Variants in ZRANB3 observed in about 807,000 individuals in gnomAD.
ZRANB3 encodes the protein DNA annealing helicase and endonuclease ZRANB3.
In ZRANB3, 125 loss-of-function variants were observed where a neutral mutation model predicts 133.8. The observed-to-expected ratio is 0.93, with a 90% CI of 0.81 to 1.08. The LOEUF (loss-of-function observed/expected upper bound fraction) is 1.08, where lower values mean the gene tolerates loss of function less well. ZRANB3 is among the 50% of genes least tolerant of loss of function. ZRANB3 has a pLI of 0.00. For synonymous variants in ZRANB3, 387 were observed against 432.7 expected (o/e 0.89, Z 1.31); for missense variants, 1,229 against 1,275.5 (o/e 0.96, Z 0.56).
chr2:135,200,616 A>G (rs1300325258), intron 20 of ZRANB3, among the ~76,000 whole-genome samples, 176 bp from the exon 21 acceptor site: 6 of 152,120 alleles, frequency 3.9e-5, no homozygotes. Context: ...CAGCTCTGAG[A>G]TCCTGAGGTC....
At chr2:135,311,126 GTTC>G (rs1233025271) in intron 8 of ZRANB3, among the ~76,000 whole-genome samples, 1 of 151,992 alleles carries the variant, frequency 6.6e-6, no homozygotes. Flanking sequence ...AAAATAAAGA[GTTC>G]TTATTACCCC....
Position 135,265,961 on chromosome 2 carries a change from G to A in ZRANB3, c.1387-275C>T, listed in dbSNP as rs566837786. Among the ~76,000 whole-genome samples the A allele has an allele frequency of 2.0e-5, 3 of 152,300 alleles. No homozygotes were observed. The South Asian group carries it at 6.2e-4, about 32-fold the overall frequency. On this transcript the variant is annotated intron_variant, in intron 11 of 20. Transcript: ENST00000264159. Reference sequence around the variant, plus strand: ...GCAGTGGCTCATGCCTGTAATCCCAGTACTTTGGGAGGCCAAGGGGGGCGA... The same window carrying A: ...GCAGTGGCTCATGCCTGTAATCCCAATACTTTGGGAGGCCAAGGGGGGCGA...
At chr2:135,525,171 AAG>A (rs1369807467) in intron 1 of ZRANB3, among the ~76,000 whole-genome samples, 14 of 152,322 alleles carry the variant, frequency 9.2e-5, no homozygotes, top group African/African-American at 3.4e-4. Context: ...AAAAAATATT[AAG>A]AGACAATGAC....
intron 12 of ZRANB3, among the ~76,000 whole-genome samples, chr2:135,262,176 A>G (rs1363983686): frequency 6.6e-6 from 1 of 151,128 alleles, no homozygotes; most frequent in Non-Finnish European, 1.5e-5. Context: ...AAAAAAAAAA[A>G]AAAACAAAGA....
At chr2:135,514,426 G>A (rs1693611870) in intron 1 of ZRANB3, among the ~76,000 whole-genome samples, 1 of 152,100 alleles carries the variant, frequency 6.6e-6, no homozygotes, top group South Asian at 2.1e-4. Flanking sequence ...GTTCATACAT[G>A]TTTTGGCTCT....
At chr2:135,392,111 A>G (rs930596402) in intron 2 of ZRANB3, among the ~76,000 whole-genome samples, 1 of 152,064 alleles carries the variant, frequency 6.6e-6, no homozygotes, top group African/African-American at 2.4e-5. Flanking sequence ...CCCTTAAGTG[A>G]GGATATTTCC....
chr2:135,225,311 GA>G (rs1444525409), intron 14 of ZRANB3, among the ~76,000 whole-genome samples: 1 of 152,162 alleles, frequency 6.6e-6, no homozygotes, highest in African/African-American at 2.4e-5. Context: ...GTTCCTCAGT[GA>G]TCTTTTAAAG....
chr2:135,471,370 A>G (rs1691261644), intron 2 of ZRANB3, among the ~76,000 whole-genome samples: 1 of 152,062 alleles, frequency 6.6e-6, no homozygotes, highest in African/African-American at 2.4e-5. Context: ...ATCTTACCAT[A>G]AGTTATTTAA....
intron 12 of ZRANB3, among the ~76,000 whole-genome samples, chr2:135,235,785 T>A (rs1368851936): frequency 6.6e-6 from 1 of 150,528 alleles, no homozygotes; most frequent in Non-Finnish European, 1.5e-5. Context: ...ATGGGATTTA[T>A]CTCAAAATAA....
At chr2:135,285,231 C>T (rs912126676) in intron 8 of ZRANB3, among the ~76,000 whole-genome samples, 2 of 152,204 alleles carry the variant, frequency 1.3e-5, no homozygotes, top group Non-Finnish European at 2.9e-5. Flanking sequence ...AACCTTACAA[C>T]ACTCAAGTGG....
intron 1 of ZRANB3, among the ~76,000 whole-genome samples, chr2:135,528,845 CT>C (rs1694270694): frequency 6.7e-6 from 1 of 148,830 alleles, no homozygotes; most frequent in Non-Finnish European, 1.5e-5. Flanking sequence ...ACAAACATCA[CT>C]CGTTAGTATT....
At chr2:135,476,819 T>A (rs962871494) in intron 2 of ZRANB3, among the ~76,000 whole-genome samples, 1 of 150,584 alleles carries the variant, frequency 6.6e-6, no homozygotes. Flanking sequence ...TCCTTCCACA[T>A]CAACCTCTCA....
intron 2 of ZRANB3, among the ~76,000 whole-genome samples, chr2:135,440,794 A>T (rs2104992575): frequency 6.6e-6 from 1 of 152,294 alleles, no homozygotes; most frequent in Non-Finnish European, 1.5e-5. Flanking sequence ...GTGAGTGACA[A>T]ATGGGTATCA....
rs756654240 is a variant in ZRANB3 at position 135,315,577 on chromosome 2, TAAG to T, written c.678-50_678-48del. The T allele has an allele frequency of 1.9e-4, 245 of 1,302,070 alleles. 2 individuals carry two copies. The African/African-American group carries it at 3.4e-3, about 18-fold the overall frequency. 80.7% of individuals were successfully genotyped at this position (1,302,070 alleles called of 1,614,324 possible). A position where few individuals can be genotyped will look rare whatever the true frequency, so the allele number is the denominator to read the frequency against. The stretch of plus-strand genomic sequence containing the variant: ...ATGTAGCAAAATTGAATGCTGGAGT[TAAG>T]AAAATAATTTATCCAATGTGCTCTT... On this transcript the variant is annotated intron_variant, in intron 6 of 20. Coordinates refer to ENST00000264159, the MANE Select transcript of ZRANB3 (RefSeq NM_032143.4).
chr2:135,388,511 AG>A (rs1426693885), intron 3 of ZRANB3, among the ~76,000 whole-genome samples: 5 of 152,198 alleles, frequency 3.3e-5, no homozygotes, highest in Non-Finnish European at 7.3e-5. Context: ...GAAATCATAA[AG>A]GATGCTGTTT....
intron 12 of ZRANB3, among the ~76,000 whole-genome samples, chr2:135,243,622 T>C (rs180801987): frequency 2.2e-5 from 2 of 89,146 alleles, no homozygotes; most frequent in Non-Finnish European, 3.6e-5. Flanking sequence ...TTAAAAAAAC[T>C]TTTTTTTTCT....
chr2:135,271,769 TG>T lies in ZRANB3; in HGVS notation c.1204del (p.Gln402ArgfsTer3), dbSNP rs1558876826. The T allele has an allele frequency of 6.2e-7, 1 of 1,608,098 alleles. No individual in the cohort carries two copies. The highest frequency in any genetic ancestry group is 1.7e-5 in the Admixed American group (1 of 58,560). On this transcript the variant is annotated frameshift_variant and splice_region_variant, in exon 10 of 21. Coordinates refer to ENST00000264159, the MANE Select transcript of ZRANB3 (RefSeq NM_032143.4). LOFTEE classifies it high-confidence loss of function. ...VAILSIQAAG[Q>X]GLTFTAASHV... ...AAATTTAGACTTGAAATTTCTTACC[TG>T]GCCAGCAGCCTGAATGCTTAGGATA...
chr2:135,510,091 G>A (rs896535386), intron 1 of ZRANB3, among the ~76,000 whole-genome samples: 1 of 152,118 alleles, frequency 6.6e-6, no homozygotes, highest in African/African-American at 2.4e-5. Context: ...TAACAATTTG[G>A]GGTTTTCCTG....
intron 14 of ZRANB3, among the ~76,000 whole-genome samples, chr2:135,226,597 A>G (rs1694769223): frequency 1.3e-5 from 2 of 152,230 alleles, no homozygotes; most frequent in Admixed American, 1.3e-4. Context: ...AGTGATTTTT[A>G]AAAAACATTT....
Sources: gnomAD v4.1 joint callset for allele counts (sites outside exome capture counted in the v4.1 genomes callset) on GRCh38, gnomAD v4.1.1 for gene constraint, MANE v1.5 for transcripts, NCBI Gene and HGNC (gene_info 2026-07-23, HGNC 2026-07-21) for gene names.